Variants in CSNK1G2 observed in about 807,000 individuals in gnomAD.
The protein encoded by CSNK1G2 is casein kinase I isoform gamma-2.
In CSNK1G2, 11 loss-of-function variants were observed where a neutral mutation model predicts 48.0. The observed-to-expected ratio is 0.23, with a 90% CI of 0.14 to 0.38. The LOEUF (loss-of-function observed/expected upper bound fraction) is 0.38, where lower values mean the gene tolerates loss of function less well. CSNK1G2 is among the 10% of genes least tolerant of loss of function. CSNK1G2 has a pLI of 1.00. For synonymous variants in CSNK1G2, 337 were observed against 254.1 expected (o/e 1.33, Z -3.10); for missense variants, 446 against 595.5 (o/e 0.75, Z 2.61).
chr19:1,969,554 C>T lies in CSNK1G2; in HGVS notation c.-219C>T. ...GCGGTGGGATGTGTCAGCAGAATGTCTCCTGCCCCCGAGAGCGACCCCGAG... is the reference window on the plus strand; with the variant it reads ...GCGGTGGGATGTGTCAGCAGAATGTTTCCTGCCCCCGAGAGCGACCCCGAG... On this transcript the variant is annotated 5_prime_UTR_variant, in exon 2 of 12. Transcript: ENST00000255641. 1 of 377,716 alleles carries T rather than the reference C, an allele frequency of 2.6e-6. No individual in the cohort carries two copies. Among genetic ancestry groups the T allele is most frequent in the East Asian group, 3.8e-5 (1 of 26,060 alleles). 23.4% of individuals were successfully genotyped at this position (377,716 alleles called of 1,614,324 possible).
chr19:1,960,242 A>G (rs2015154094), intron 1 of CSNK1G2, among the ~76,000 whole-genome samples: 1 of 152,300 alleles, frequency 6.6e-6, no homozygotes, highest in Admixed American at 6.5e-5. Flanking sequence ...TCCACAGGGA[A>G]GGTCCCCCGG....
chr19:1,979,460 C>T, intron 8 of CSNK1G2, 35 bp from the exon 9 acceptor site: 1 of 1,461,592 alleles, frequency 6.8e-7, no homozygotes, highest in Non-Finnish European at 9.2e-7. Flanking sequence ...CCCACCCCCA[C>T]CCCCGCCGAG....
intron 2 of CSNK1G2, chr19:1,976,129 C>A (rs1396949863): frequency 4.7e-6 from 6 of 1,285,870 alleles, no homozygotes; most frequent in African/African-American, 1.5e-5. Flanking sequence ...AGTTCTGGGG[C>A]CTCGGCAATG....
chr19:1,945,337 G>A (rs113713327), intron 1 of CSNK1G2, among the ~76,000 whole-genome samples: 4 of 152,166 alleles, frequency 2.6e-5, no homozygotes, highest in Non-Finnish European at 4.4e-5. Context: ...CGGGGCACGC[G>A]TCTGAGGTGT....
intron 1 of CSNK1G2, among the ~76,000 whole-genome samples, chr19:1,959,940 C>T (rs1232440264): frequency 6.6e-6 from 1 of 152,202 alleles, no homozygotes; most frequent in East Asian, 1.9e-4. Context: ...CACATTGTGG[C>T]TCCCACAACC....
At chr19:1,953,863 A>T in intron 1 of CSNK1G2, 1 of 533,210 alleles carries the variant, frequency 1.9e-6, no homozygotes, top group Non-Finnish European at 3.9e-6. Context: ...GCCTTTGCTG[A>T]TGGCGACCTG....
intron 1 of CSNK1G2, among the ~76,000 whole-genome samples, chr19:1,950,169 T>C (rs1332801910): frequency 6.6e-6 from 1 of 152,070 alleles, no homozygotes; most frequent in Non-Finnish European, 1.5e-5. Flanking sequence ...AGACGGAGTC[T>C]CGCTCTGTCC....
At chr19:1,942,806 G>A (rs1218134503) in intron 1 of CSNK1G2, among the ~76,000 whole-genome samples, 1 of 152,186 alleles carries the variant, frequency 6.6e-6, no homozygotes, top group Non-Finnish European at 1.5e-5. Flanking sequence ...CCCCAGGTTT[G>A]AAAGGGGGAA....
In CSNK1G2 at chr19:1,950,963, C is replaced by T. The variant is rs557563013; in HGVS notation, c.-266+9545C>T. ...CCTAGATCCCTGGGTGATCCCCGTG[C>T]CCAGTTTTCAGGGGAGACCATGGGG... On this transcript the variant is annotated intron_variant, in intron 1 of 11. Coordinates refer to ENST00000255641, the MANE Select transcript of CSNK1G2 (RefSeq NM_001319.7). 1.1e-4 allele frequency among the ~76,000 whole-genome samples: 16 copies of T among 146,328 alleles called. 2 individuals carry two copies. The highest frequency in any genetic ancestry group is 4.2e-4 in the African/African-American group (16 of 38,310).
chr19:1,952,836 G>A (rs768877974), intron 1 of CSNK1G2: 16 of 344,014 alleles, frequency 4.7e-5, no homozygotes, highest in East Asian at 1.3e-4. Context: ...GAGTTAGGCC[G>A]AACCCTGCTG....
Position 1,979,958 on chromosome 19 carries a change from C to T in CSNK1G2, c.1134C>T (p.Ala378=), listed in dbSNP as rs145273318. ...AGCTGAATGCGGACGACCCCACGGC[C>T]GGCCACTCCAACGCCCCGATCACAG... is the stretch of plus-strand genomic sequence containing the variant. The part of the protein sequence containing the change: ...NGELNADDPT[A]GHSNAPITAP... Residue 378 remains alanine, a synonymous_variant, in exon 11 of 12, where the codon GCC becomes GCT. Transcript: ENST00000255641. 5 of 1,597,570 alleles carry T rather than the reference C, an allele frequency of 3.1e-6. No individual in the cohort carries two copies. The highest frequency in any genetic ancestry group is 4.3e-6 in the Non-Finnish European group (5 of 1,171,172).
intron 1 of CSNK1G2, chr19:1,952,430 C>G (rs1452691114): frequency 6.6e-6 from 1 of 152,056 alleles, no homozygotes; most frequent in Admixed American, 6.6e-5. Flanking sequence ...TCAAGTGATT[C>G]TCCTGCCTCA....
intron 1 of CSNK1G2, 45 bp from the exon 2 acceptor site, chr19:1,969,463 G>T (rs975462254): frequency 6.5e-5 from 14 of 216,076 alleles, no homozygotes; most frequent in African/African-American, 2.3e-4. Flanking sequence ...CAGTGGCCCC[G>T]CGGGGGCCTT....
intron 1 of CSNK1G2, among the ~76,000 whole-genome samples, chr19:1,956,215 G>T (rs777174577): frequency 2.0e-5 from 3 of 152,162 alleles, no homozygotes; most frequent in Admixed American, 6.5e-5. Flanking sequence ...AGGAGCAGTG[G>T]GGCCCTAGAC....
At chr19:1,963,028 C>T (rs372000572) in intron 1 of CSNK1G2, among the ~76,000 whole-genome samples, 15 of 95,238 alleles carry the variant, frequency 1.6e-4, no homozygotes, top group African/African-American at 4.0e-4. Context: ...ACGGCGTGGA[C>T]GCACCTTCAG....
intron 1 of CSNK1G2, among the ~76,000 whole-genome samples, chr19:1,966,221 C>T (rs529677668): frequency 1.5e-4 from 23 of 152,154 alleles, no homozygotes; most frequent in Non-Finnish European, 2.5e-4. Context: ...AAGGCTTTGC[C>T]GTTCTAGAGG....
At chr19:1,976,114 G>A in intron 2 of CSNK1G2, 1 of 1,289,514 alleles carries the variant, frequency 7.8e-7, no homozygotes. Flanking sequence ...CCGTGTGGCA[G>A]GTTTAGTTCT....
In CSNK1G2 at chr19:1,979,600, G is replaced by A. The variant is rs35677464; in HGVS notation, c.959G>A (p.Gly320Asp). ...TTCACCGACCTCTTCGACCGCAGTG[G>A]CTTCGTGTTCGACTATGAGTACGAC... is the stretch of plus-strand genomic sequence containing the variant. ...KLFTDLFDRS[G>D]FVFDYEYDWA... Residue 320 changes from glycine to aspartate, a missense_variant, in exon 9 of 12, where the codon GGC becomes GAC. Physicochemically the swap from Gly to Asp is moderately conservative, Grantham distance 94 (BLOSUM62 -1). Coordinates refer to ENST00000255641, the MANE Select transcript of CSNK1G2 (RefSeq NM_001319.7). 4 of 1,606,884 alleles carry A rather than the reference G, an allele frequency of 2.5e-6. No individual in the cohort carries two copies. Among genetic ancestry groups the A allele is most frequent in the Non-Finnish European group, 2.5e-6 (3 of 1,179,914 alleles).
intron 1 of CSNK1G2, chr19:1,953,370 G>A: frequency 1.9e-6 from 1 of 533,646 alleles, no homozygotes; most frequent in Non-Finnish European, 3.8e-6. Flanking sequence ...GGGGGCCTGG[G>A]TGGGGGTGTT....
Sources: allele counts gnomAD v4.1 joint callset (sites outside exome capture counted in the v4.1 genomes callset), GRCh38; gene constraint gnomAD v4.1.1; transcripts MANE v1.5; gene names NCBI Gene and HGNC (gene_info 2026-07-23, HGNC 2026-07-21).